The following LRCH1 variants were observed in gnomAD, a reference collection of about 807,000 sequenced individuals.
LRCH1 encodes the protein leucine rich repeats and calponin homology domain containing 1.
In LRCH1, 23 loss-of-function variants were observed where a neutral mutation model predicts 94.9. The ratio of observed to expected loss-of-function variants is 0.24; its 90% CI spans 0.17 to 0.34. LRCH1 has a LOEUF of 0.34. LRCH1 is among the 10% of genes least tolerant of loss of function. The pLI is 1.00. For missense variants in LRCH1, 790 were observed against 945.9 expected (o/e 0.84, Z 2.16); for synonymous variants, 364 against 354.9 (o/e 1.03, Z -0.29).
chr13:46,733,979 G>A lies in LRCH1; in HGVS notation c.2066G>A (p.Arg689Gln), dbSNP rs1391301161. The change falls in exon 19 of 20, where the codon CGA becomes CAA. Residue 689 changes from arginine (R) to glutamine (Q), a missense_variant. This residue lies in a region of LRCH1 where 460 missense variants were observed against 508.9 expected (regional missense o/e 0.90). Transcript: ENST00000389797. ...GTGGAAAACTTTTTGGAAGCATGCC[G>A]AAAATTAGGAGTACCAGAGGTAACA... Reference protein sequence around the residue: ...RNVENFLEACRKLGVPEADLC... With the variant: ...RNVENFLEACQKLGVPEADLC... 12 of 1,596,378 alleles carry A rather than the reference G, an allele frequency of 7.5e-6. No homozygotes were observed. The highest frequency in any genetic ancestry group is 3.4e-6 in the Non-Finnish European group (4 of 1,169,242).
At chr13:46,748,502 G>T (rs1380141861), downstream of LRCH1, among the ~76,000 whole-genome samples, 1 of 152,132 alleles carries the variant, frequency 6.6e-6, no homozygotes, top group Non-Finnish European at 1.5e-5. Context: ...TGCCTTAACA[G>T]TGAAATGCCA....
intron 1 of LRCH1, among the ~76,000 whole-genome samples, chr13:46,649,324 A>T (rs565822240): frequency 2.4e-4 from 36 of 152,312 alleles, no homozygotes; most frequent in African/African-American, 8.2e-4. Context: ...TTTCAAAAGT[A>T]GTGGTTCTTT....
chr13:46,655,974 A>G (rs2138090120), intron 2 of LRCH1, among the ~76,000 whole-genome samples: 1 of 152,350 alleles, frequency 6.6e-6, no homozygotes, highest in South Asian at 2.1e-4. Flanking sequence ...GCCTGTAAAG[A>G]ACAGGGCGGT....
chr13:46,685,987 G>A lies in LRCH1; in HGVS notation c.768G>A (p.Lys256=), dbSNP rs1467169927. The A allele has an allele frequency of 1.2e-6, 2 of 1,610,248 alleles. No individual in the cohort carries two copies. The highest frequency in any genetic ancestry group is 1.7e-5 in the Admixed American group (1 of 59,342). The change falls in exon 5 of 20, where the codon AAG becomes AAA. Residue 256 remains lysine, a synonymous_variant. Transcript: ENST00000389797. ...LVIPICFREM[K]QLQVLLLENN... Reference sequence around the variant, plus strand: ...TTCCAATTTGTTTTAGAGAGATGAAGCAGCTGCAAGTGTTACTACTTGAGA... The same window carrying A: ...TTCCAATTTGTTTTAGAGAGATGAAACAGCTGCAAGTGTTACTACTTGAGA...
At chr13:46,648,442 T>C (rs77727141) in intron 1 of LRCH1, among the ~76,000 whole-genome samples, 1,538 of 152,326 alleles carry the variant, frequency 0.01, 31 homozygotes, top group African/African-American at 0.035. Context: ...ATTCATGCCA[T>C]TGACCTTCCC....
At chr13:46,655,193 T>A (rs1304957004) in intron 2 of LRCH1, among the ~76,000 whole-genome samples, 1 of 152,166 alleles carries the variant, frequency 6.6e-6, no homozygotes, top group African/African-American at 2.4e-5. Context: ...GATATGTCAC[T>A]CCCTAACCAG....
At chr13:46,732,895 TCCTC>T (rs1162695539) in intron 18 of LRCH1, among the ~76,000 whole-genome samples, 4 of 152,196 alleles carry the variant, frequency 2.6e-5, no homozygotes, top group South Asian at 2.1e-4. Flanking sequence ...GGACGTGACT[TCCTC>T]CCTAATCAAG....
At chr13:46,599,669 G>C (rs187100588) in intron 1 of LRCH1, among the ~76,000 whole-genome samples, 72 of 152,292 alleles carry the variant, frequency 4.7e-4, no homozygotes, top group African/African-American at 1.5e-3. Context: ...ATTAGTAGTA[G>C]TTTTATTTCA....
intron 3 of LRCH1, among the ~76,000 whole-genome samples, chr13:46,675,945 A>G (rs902232487): frequency 6.6e-6 from 1 of 152,220 alleles, no homozygotes; most frequent in African/African-American, 2.4e-5. Flanking sequence ...AGCTTTCTTG[A>G]GAAAGTTTCA....
At chr13:46,621,513 G>T (rs1162629697) in intron 1 of LRCH1, among the ~76,000 whole-genome samples, 1 of 152,132 alleles carries the variant, frequency 6.6e-6, no homozygotes, top group Non-Finnish European at 1.5e-5. Context: ...TATCTTAATG[G>T]GTTAATTGCA....
chr13:46,693,074 G>A (rs1449910906), intron 8 of LRCH1, among the ~76,000 whole-genome samples: 2 of 151,432 alleles, frequency 1.3e-5, no homozygotes, highest in East Asian at 3.9e-4. Context: ...TGGGTTCAAG[G>A]GGTTCTCCTG....
chr13:46,562,127 A>G (rs2050135900), intron 1 of LRCH1, among the ~76,000 whole-genome samples: 1 of 152,084 alleles, frequency 6.6e-6, no homozygotes, highest in African/African-American at 2.4e-5. Flanking sequence ...TTTTTCATCC[A>G]TCATCTTGGA....
At chr13:46,638,524 T>G (rs2051120036) in intron 1 of LRCH1, among the ~76,000 whole-genome samples, 1 of 152,374 alleles carries the variant, frequency 6.6e-6, no homozygotes, top group African/African-American at 2.4e-5. Context: ...TACTTTATGT[T>G]TAACACAAGT....
chr13:46,633,121 C>T (rs551167401), intron 1 of LRCH1, among the ~76,000 whole-genome samples: 64 of 152,246 alleles, frequency 4.2e-4, no homozygotes, highest in African/African-American at 1.4e-3. Context: ...CAGTGCTGCC[C>T]TAGCTAAATG....
rs2138252043 is a variant in LRCH1 at position 46,742,048 on chromosome 13, A to T, written c.*200A>T. ...AATACAGTTTAGTATAATTCCTCTC[A>T]CTTACTGAAATACAACGACGACGAC... On this transcript the variant is annotated 3_prime_UTR_variant, in exon 20 of 20. Coordinates refer to ENST00000389797, the MANE Select transcript of LRCH1 (RefSeq NM_001164211.2). 1 of 1,426,240 alleles carries T rather than the reference A, an allele frequency of 7.0e-7. No homozygotes were observed. The highest frequency in any genetic ancestry group is 1.5e-5 in the South Asian group (1 of 66,028). 88.3% of individuals were successfully genotyped at this position (1,426,240 alleles called of 1,614,324 possible). A position where few individuals can be genotyped will look rare whatever the true frequency, so the allele number is the denominator to read the frequency against.
chr13:46,654,259 G>C (rs2051342835), intron 2 of LRCH1, among the ~76,000 whole-genome samples: 1 of 152,190 alleles, frequency 6.6e-6, no homozygotes, highest in Non-Finnish European at 1.5e-5. Context: ...AAGCAGGAGG[G>C]ACTCAGAATA....
chr13:46,644,192 T>C (rs551848024), intron 1 of LRCH1, among the ~76,000 whole-genome samples: 1 of 152,280 alleles, frequency 6.6e-6, no homozygotes, highest in Admixed American at 6.5e-5. Flanking sequence ...CATGCAGTGG[T>C]TTAAATGAGG....
chr13:46,726,197 A>G (rs569037592), intron 17 of LRCH1, among the ~76,000 whole-genome samples: 2 of 152,194 alleles, frequency 1.3e-5, no homozygotes, highest in Non-Finnish European at 2.9e-5. Context: ...TGGAGTAGGC[A>G]TACTTTGCCC....
chr13:46,581,255 C>T (rs2050361754), intron 1 of LRCH1, among the ~76,000 whole-genome samples: 1 of 152,154 alleles, frequency 6.6e-6, no homozygotes, highest in Non-Finnish European at 1.5e-5. Context: ...GCCTCCTCTG[C>T]CTCACCTCAG....
Sources: gnomAD v4.1 joint callset for allele counts (sites outside exome capture counted in the v4.1 genomes callset) on GRCh38, gnomAD v4.1.1 for gene constraint, gnomAD v4.1.1 regional missense constraint, MANE v1.5 for transcripts, NCBI Gene and HGNC (gene_info 2026-07-23, HGNC 2026-07-21) for gene names.